The following FAM162A variants were observed in gnomAD, a reference collection of about 807,000 sequenced individuals.
FAM162A encodes protein FAM162A.
A neutral mutation model predicts 21.8 loss-of-function variants in FAM162A; 23 were observed. The ratio of observed to expected loss-of-function variants is 1.05; its 90% confidence interval spans 0.76 to 1.49. The LOEUF is 1.49. Ranked by LOEUF, FAM162A falls within the 40% of genes most tolerant of loss-of-function variation. FAM162A has a pLI of 0.00. For missense variants in FAM162A, 165 were observed against 186.4 expected (o/e 0.89, Z 0.67); for synonymous variants, 53 against 61.3 (o/e 0.86, Z 0.64).
chr3:122,392,532 G>C lies in FAM162A; in HGVS notation c.34+8233G>C, dbSNP rs533674435. 2.6e-5 allele frequency among the ~76,000 whole-genome samples: 4 copies of C among 152,276 alleles called. 1 individual carries two copies. The highest frequency in any genetic ancestry group is 4.1e-4 in the South Asian group (2 of 4,820). The stretch of plus-strand genomic sequence containing the variant: ...CATCTTAGGGGAGAGAAAAGCCTAG[G>C]TTCTCAAAGTATAGTCCAGAACCAG... On this transcript the variant is annotated intron_variant, in intron 1 of 4. Transcript: ENST00000477892.
Position 122,406,599 on chromosome 3 carries a change from C to T in FAM162A, c.264-682C>T, listed in dbSNP as rs189913098. Among the ~76,000 whole-genome samples, 7 of 152,244 alleles carry T rather than the reference C, an allele frequency of 4.6e-5. No individual in the cohort carries two copies. In the East Asian group the frequency reaches 1.2e-3, roughly 25 times the overall value. On this transcript the variant is annotated intron_variant, in intron 3 of 4. Transcript: ENST00000477892. Reference sequence around the variant, plus strand: ...CTGCACTTTGGCACTTGCCAAAGACCACAATATCAAGTTCACTGTCACTCA... The same window carrying T: ...CTGCACTTTGGCACTTGCCAAAGACTACAATATCAAGTTCACTGTCACTCA...
intron 4 of FAM162A, 141 bp from the exon 5 acceptor site, chr3:122,409,598 G>A: frequency 1.4e-6 from 1 of 696,812 alleles, no homozygotes; most frequent in Non-Finnish European, 2.6e-6. Context: ...AGCACATAGA[G>A]GAAACTGCCG....
chr3:122,409,679 G>A, intron 4 of FAM162A, 60 bp from the exon 5 acceptor site: 1 of 1,496,138 alleles, frequency 6.7e-7, no homozygotes, highest in Non-Finnish European at 9.3e-7. Flanking sequence ...TCAGTGCAAG[G>A]TAAAGACACC....
At chr3:122,400,888 A>G (rs2075650102) in intron 1 of FAM162A, among the ~76,000 whole-genome samples, 1 of 152,190 alleles carries the variant, frequency 6.6e-6, no homozygotes, top group Non-Finnish European at 1.5e-5. Context: ...TTGGGGAGAA[A>G]GTCAATAGAG....
chr3:122,388,723 A>G (rs753861702), intron 1 of FAM162A, among the ~76,000 whole-genome samples: 1 of 152,144 alleles, frequency 6.6e-6, no homozygotes, highest in Non-Finnish European at 1.5e-5. Context: ...TGGGAAGAGT[A>G]GAGTCAGAAG....
intron 1 of FAM162A, 28 bp downstream of exon 1, chr3:122,384,327 TA>T: frequency 1.9e-6 from 3 of 1,566,626 alleles, no homozygotes; most frequent in Non-Finnish European, 2.6e-6. Flanking sequence ...ATATGGGAGG[TA>T]GGGGAGCTGG....
intron 1 of FAM162A, among the ~76,000 whole-genome samples, chr3:122,395,351 C>G (rs917382107): frequency 2.0e-5 from 3 of 152,084 alleles, no homozygotes; most frequent in Non-Finnish European, 4.4e-5. Context: ...TATAGAAAAT[C>G]CTAAGGAATA....
chr3:122,407,530 T>G (rs1235488343), intron 4 of FAM162A, 141 bp downstream of exon 4: 4 of 597,686 alleles, frequency 6.7e-6, no homozygotes, highest in Non-Finnish European at 1.2e-5. Context: ...AGCAAAAAAA[T>G]AAGACATATT....
At chr3:122,387,801 TATATA>T (rs1160714282) in intron 1 of FAM162A, among the ~76,000 whole-genome samples, 2 of 152,110 alleles carry the variant, frequency 1.3e-5, no homozygotes, top group Non-Finnish European at 2.9e-5. Context: ...CAAACAAACA[TATATA>T]ATATACCATT....
intron 1 of FAM162A, among the ~76,000 whole-genome samples, chr3:122,391,937 A>G (rs896177590): frequency 1.3e-5 from 2 of 152,198 alleles, no homozygotes; most frequent in African/African-American, 4.8e-5. Flanking sequence ...GGCACTTAGT[A>G]TCTAACATAT....
chr3:122,402,909 G>C (rs779339366), intron 2 of FAM162A, 27 bp downstream of exon 2: 2 of 1,576,926 alleles, frequency 1.3e-6, no homozygotes, highest in South Asian at 2.4e-5. Flanking sequence ...TCTATTTATG[G>C]AGTTGGTAGC....
chr3:122,407,569 G>A, intron 4 of FAM162A, 180 bp downstream of exon 4: 4 of 504,894 alleles, frequency 7.9e-6, no homozygotes, highest in African/African-American at 3.8e-5. Flanking sequence ...TCATCCTTGG[G>A]GATAGATAGC....
At chr3:122,400,001 G>A (rs933701154) in intron 1 of FAM162A, among the ~76,000 whole-genome samples, 5 of 152,182 alleles carry the variant, frequency 3.3e-5, no homozygotes, top group Non-Finnish European at 7.4e-5. Flanking sequence ...CTACTCGGAA[G>A]GCTGAAGCAG....
chr3:122,397,518 C>T (rs918537114), intron 1 of FAM162A, among the ~76,000 whole-genome samples: 3 of 152,190 alleles, frequency 2.0e-5, no homozygotes, highest in Non-Finnish European at 2.9e-5. Context: ...TCAGATTTAT[C>T]TCTGGTGCCT....
At chr3:122,387,249 A>G (rs1268373965) in intron 1 of FAM162A, among the ~76,000 whole-genome samples, 1 of 152,258 alleles carries the variant, frequency 6.6e-6, no homozygotes, top group Non-Finnish European at 1.5e-5. Flanking sequence ...GTTCAAAGGA[A>G]TGGAATGACC....
chr3:122,400,369 CAG>C (rs146550826), intron 1 of FAM162A, among the ~76,000 whole-genome samples: 4,299 of 151,818 alleles, frequency 0.028, 208 homozygotes, highest in African/African-American at 0.098. Flanking sequence ...CAGGGCCTGT[CAG>C]GGGGTGGGGG....
intron 1 of FAM162A, among the ~76,000 whole-genome samples, chr3:122,397,653 A>AT (rs2075634868): frequency 1.3e-5 from 2 of 152,120 alleles, no homozygotes; most frequent in Admixed American, 1.3e-4. Context: ...CAAGATCAGA[A>AT]TTACTCTCCT....
chr3:122,389,868 A>G (rs990492984), intron 1 of FAM162A, among the ~76,000 whole-genome samples: 2 of 152,160 alleles, frequency 1.3e-5, no homozygotes, highest in Non-Finnish European at 2.9e-5. Flanking sequence ...AGCAAGTGTT[A>G]CTTTTATCAT....
chr3:122,404,457 C>A, intron 3 of FAM162A, 94 bp downstream of exon 3: 1 of 583,110 alleles, frequency 1.7e-6, no homozygotes, highest in Non-Finnish European at 3.0e-6. Flanking sequence ...TAAAACTTTT[C>A]AACCAAATTT....
Sources: allele counts gnomAD v4.1 joint callset (sites outside exome capture counted in the v4.1 genomes callset), GRCh38; gene constraint gnomAD v4.1.1; transcripts MANE v1.5; gene names NCBI Gene and HGNC (gene_info 2026-07-23, HGNC 2026-07-21).